ADAM8: variants seen among roughly 807,000 people sequenced by gnomAD.
The protein encoded by ADAM8 is disintegrin and metalloproteinase domain-containing protein 8.
ADAM8 carries 104 observed loss-of-function variants against 102.4 expected under a neutral mutation model. That is an observed-to-expected ratio of 1.02 (90% CI 0.87 to 1.20). ADAM8 has a LOEUF of 1.20. Ranked by LOEUF, ADAM8 falls within the 50% of genes most tolerant of loss-of-function variation. The pLI, the probability that ADAM8 is intolerant of heterozygous loss-of-function variation, is 0.00. For synonymous variants in ADAM8, 517 were observed against 485.2 expected, an observed-to-expected ratio of 1.07 and a Z score of -0.86; for missense variants, 1,132 against 1,159.0, an observed-to-expected ratio of 0.98 and a Z score of 0.34.
In ADAM8 at chr10:133,270,386, C is replaced by G. The variant is rs571488132; in HGVS notation, c.1759G>C (p.Glu587Gln). 98 of 1,591,204 alleles carry G rather than the reference C, an allele frequency of 6.2e-5. 1 individual carries two copies. Among genetic ancestry groups the G allele is most frequent in the Non-Finnish European group, 8.0e-5 (93 of 1,162,680 alleles). ...TTCTCTGGTCCACACCGGGTGCCCTCGGGCACTGGTTCATACGCAGTGCCA... is the reference window on the plus strand; with the variant it reads ...TTCTCTGGTCCACACCGGGTGCCCTGGGGCACTGGTTCATACGCAGTGCCA... ...EDGTAYEPVP[E>Q]GTRCGPEKVC... The change falls in exon 16 of 23, where the codon GAG becomes CAG. Residue 587 changes from glutamate to glutamine, a missense_variant. Transcript: ENST00000445355.
chr10:133,275,404 T>C (rs1045548676), intron 2 of ADAM8, 80 bp downstream of exon 2: 3 of 1,149,438 alleles, frequency 2.6e-6, no homozygotes, highest in South Asian at 2.8e-5. Flanking sequence ...CTCTCACCAC[T>C]TTCTGTAAGC....
At chr10:133,268,678 C>T in intron 19 of ADAM8, 70 bp downstream of exon 19, 1 of 1,502,260 alleles carries the variant, frequency 6.7e-7, no homozygotes. Context: ...CCGTGCTGGG[C>T]ACTCCTTCCT....
chr10:133,269,739 C>T (rs574103546), intron 17 of ADAM8, among the ~76,000 whole-genome samples, 158 bp downstream of exon 17: 27 of 152,346 alleles, frequency 1.8e-4, no homozygotes, highest in Admixed American at 6.5e-4. Context: ...CCACCCAGGC[C>T]GGGCCTCAGC....
chr10:133,263,150 G>GC lies in ADAM8; in HGVS notation c.*5dup, dbSNP rs771053269. ...TCCAAATTTCCACACAGGCGCAGGT[G>GC]CCCCCCTAGGGTGCTGTGGGAGCTC... On this transcript the variant is annotated 3_prime_UTR_variant, in exon 23 of 23. Coordinates refer to ENST00000445355, the MANE Select transcript of ADAM8 (RefSeq NM_001109.5). 9.3e-6 allele frequency: 15 copies of GC among 1,613,854 alleles called. No homozygotes were observed. The highest frequency in any genetic ancestry group is 1.3e-5 in the Non-Finnish European group (15 of 1,179,900).
At position 133,272,946 on chromosome 10, in the gene ADAM8, C is replaced by T. The variant is rs770416367; in HGVS notation, c.636+11G>A. 1.2e-6 allele frequency: 2 copies of T among 1,612,864 alleles called. No individual in the cohort carries two copies. The highest frequency in any genetic ancestry group is 2.2e-5 in the South Asian group (2 of 91,082). ...CCGGCTGCTCTCCCACCTTCCCTGC[C>T]CCCAACACACCTCTGCATTGTCCAC... On this transcript the variant is annotated intron_variant, in intron 7 of 22. Transcript: ENST00000445355.
chr10:133,269,558 C>T (rs1178175787), intron 17 of ADAM8, 29 bp from the exon 18 acceptor site: 1 of 1,566,748 alleles, frequency 6.4e-7, no homozygotes, highest in South Asian at 1.2e-5. Context: ...TCAGGGCCAA[C>T]CCTGTTGTGG....
In ADAM8 at chr10:133,264,382, G is replaced by A. The variant is rs547734954; in HGVS notation, c.2320-617C>T. On this transcript the variant is annotated intron_variant, in intron 21 of 22. Coordinates refer to ENST00000445355, the MANE Select transcript of ADAM8 (RefSeq NM_001109.5). ...GGCCTGAAGAGCTCTACAGATTGCC[G>A]GAATGTGGGGTTTTGGAAGCTCAAA... Among the ~76,000 whole-genome samples the A allele has an allele frequency of 2.6e-4, 39 of 152,252 alleles. No homozygotes were observed. In the South Asian group the frequency reaches 6.8e-3, roughly 27 times the overall value.
chr10:133,262,684 C>T lies in ADAM8; in HGVS notation c.*472G>A, dbSNP rs767511088. On this transcript the variant is annotated 3_prime_UTR_variant, in exon 23 of 23. Coordinates refer to ENST00000445355, the MANE Select transcript of ADAM8 (RefSeq NM_001109.5). ...TTGGGGTGCAGTCTGCTCACTGACACCCTCTCGAAGAGCACGCAGGGGAAC... is the reference window on the plus strand; with the variant it reads ...TTGGGGTGCAGTCTGCTCACTGACATCCTCTCGAAGAGCACGCAGGGGAAC... 2.8e-4 allele frequency: 45 copies of T among 158,132 alleles called. No homozygotes were observed. Among genetic ancestry groups the T allele is most frequent in the Non-Finnish European group, 5.6e-4 (40 of 71,384 alleles). 9.8% of individuals were successfully genotyped at this position (158,132 alleles called of 1,614,324 possible).
At chr10:133,275,303 G>A (rs910081722) in intron 2 of ADAM8, among the ~76,000 whole-genome samples, 181 bp downstream of exon 2, 1 of 152,232 alleles carries the variant, frequency 6.6e-6, no homozygotes, top group Non-Finnish European at 1.5e-5. Context: ...GAACGAGGAG[G>A]CTGGGAGCCC....
At chr10:133,263,797 C>A in intron 21 of ADAM8, 32 bp from the exon 22 acceptor site, 1 of 1,486,430 alleles carries the variant, frequency 6.7e-7, no homozygotes, top group South Asian at 1.3e-5. Flanking sequence ...TGACATGGGT[C>A]CCCCAGGCAC....
In ADAM8 at chr10:133,263,698, C is replaced by T. The variant is rs760602539; in HGVS notation, c.2387G>A (p.Gly796Asp). 1.3e-6 allele frequency: 2 copies of T among 1,502,324 alleles called. No homozygotes were observed. The highest frequency in any genetic ancestry group is 1.3e-5 in the South Asian group (1 of 79,060). The allele number at this position is 1,502,324 out of a possible 1,614,324, so 93.1% of individuals were successfully genotyped here. A position where few individuals can be genotyped will look rare whatever the true frequency, so the allele number is the denominator to read the frequency against. Residue 796 changes from glycine to aspartate, a missense_variant, in exon 22 of 23, where the codon GGT becomes GAT. Coordinates refer to ENST00000445355, the MANE Select transcript of ADAM8 (RefSeq NM_001109.5). ...GTGCTGGGGCCTCACCTCAGCTGGA[C>T]CAGGGTTGGCCGCACCAGCCCCGGG... ...VKPGAGAANP[G>D]PAEGAVGPKV...
At chr10:133,269,829 C>A (rs559485729) in intron 17 of ADAM8, 68 bp downstream of exon 17, 5 of 1,554,684 alleles carry the variant, frequency 3.2e-6, no homozygotes, top group South Asian at 1.1e-5. Context: ...CCAGAGCTGT[C>A]CCCAGCACCG....
At position 133,272,805 on chromosome 10, in the gene ADAM8, A is replaced by C. The variant is rs774520736; in HGVS notation, c.698T>G (p.Val233Gly). ...GCCAGGACCGCTGCCCACCTTGTCC[A>C]CGTGATTCACCACCTCCAGCACCCG... ...RHRVLEVVNHVDKLYQKLNFR... is the reference protein window; with the variant it reads ...RHRVLEVVNHGDKLYQKLNFR... The change falls in exon 8 of 23, where the codon GTG becomes GGG. Residue 233 changes from valine (V) to glycine (G), a missense_variant. Val to Gly is a moderately radical substitution (Grantham distance 109). Coordinates refer to ENST00000445355, the MANE Select transcript of ADAM8 (RefSeq NM_001109.5). The C allele has an allele frequency of 2.5e-6, 4 of 1,607,656 alleles. No homozygotes were observed. In the Admixed American group the frequency reaches 5.0e-5, roughly 20 times the overall value.
At chr10:133,268,544 G>A (rs1846406055) in intron 19 of ADAM8, among the ~76,000 whole-genome samples, 1 of 152,236 alleles carries the variant, frequency 6.6e-6, no homozygotes, top group South Asian at 2.1e-4. Flanking sequence ...TCAGGGGAAG[G>A]TGGAGTCCAG....
chr10:133,276,706 C>T lies in ADAM8; in HGVS notation c.46+66G>A. The T allele has an allele frequency of 3.3e-6, 5 of 1,511,844 alleles. No homozygotes were observed. In the South Asian group the frequency reaches 3.7e-5, roughly 11 times the overall value. 93.7% of individuals were successfully genotyped at this position (1,511,844 alleles called of 1,614,324 possible). A position where few individuals can be genotyped will look rare whatever the true frequency, so the allele number is the denominator to read the frequency against. On this transcript the variant is annotated intron_variant, in intron 1 of 22. Coordinates refer to ENST00000445355, the MANE Select transcript of ADAM8 (RefSeq NM_001109.5). ...CAGGCCAGGGGCTCGGGGTCCGCGT[C>T]GCGTCCTGCGGGGAGAGCCACCCTG...
chr10:133,273,354 T>C lies in ADAM8; in HGVS notation c.473A>G (p.Glu158Gly), dbSNP rs190341309. ...GGTCCCGGCCGTCTGCAGCAGGTGC[T>C]CAGCCTGGTACACGGCGTGCCGTCC... ...EGGRHAVYQA[E>G]HLLQTAGTCG... is the part of the protein sequence containing the mutation. Residue 158 changes from glutamate to glycine, a missense_variant, in exon 6 of 23, where the codon GAG (glutamate) becomes GGG (glycine). Coordinates refer to ENST00000445355, the MANE Select transcript of ADAM8 (RefSeq NM_001109.5). The C allele has an allele frequency of 2.7e-4, 427 of 1,565,192 alleles. No individual in the cohort carries two copies. In the African/African-American group the frequency reaches 5.4e-3, roughly 20 times the overall value.
chr10:133,273,872 G>A (rs1270772812), intron 4 of ADAM8, 34 bp from the exon 5 acceptor site: 15 of 1,550,426 alleles, frequency 9.7e-6, no homozygotes, highest in Non-Finnish European at 1.3e-5. Flanking sequence ...TCCACAGGCT[G>A]TGCCCCCATG....
intron 2 of ADAM8, among the ~76,000 whole-genome samples, 188 bp downstream of exon 2, chr10:133,275,296 C>T (rs929346052): frequency 4.6e-5 from 7 of 152,180 alleles, no homozygotes; most frequent in South Asian, 2.1e-4. Flanking sequence ...CCTGAAGGAA[C>T]GAGGAGGCTG....
At position 133,267,917 on chromosome 10, in the gene ADAM8, G is replaced by T. The variant is rs1347249002; in HGVS notation, c.2253+12C>A. The T allele has an allele frequency of 3.2e-6, 4 of 1,260,050 alleles. No homozygotes were observed. The highest frequency in any genetic ancestry group is 3.7e-5 in the South Asian group (1 of 26,896). 78.1% of individuals were successfully genotyped at this position (1,260,050 alleles called of 1,614,324 possible). On this transcript the variant is annotated intron_variant, in intron 20 of 22. Coordinates refer to ENST00000445355, the MANE Select transcript of ADAM8 (RefSeq NM_001109.5). ...CTTTCGGCCTCATGAACCCGCCAGG[G>T]GTGGTGCTTACAGCAGGGGGCGGCC...
Sources: gnomAD v4.1 joint callset for allele counts (sites outside exome capture counted in the v4.1 genomes callset) on GRCh38, gnomAD v4.1.1 for gene constraint, MANE v1.5 for transcripts, NCBI Gene and HGNC (gene_info 2026-07-23, HGNC 2026-07-21) for gene names.